CFAP54: variants seen among roughly 807,000 people sequenced by gnomAD.
CFAP54 encodes the protein cilia and flagella associated protein 54, also known as cilia- and flagella-associated protein 54.
In CFAP54, 290 loss-of-function variants were observed where a neutral mutation model predicts 370.4. That is an observed-to-expected ratio of 0.78 (90% CI 0.71 to 0.86). The LOEUF (loss-of-function observed/expected upper bound fraction) is 0.86. CFAP54 is among the 40% of genes least tolerant of loss of function. The pLI, the probability that CFAP54 is intolerant of heterozygous loss-of-function variation, is 0.00. For synonymous variants in CFAP54, 1,206 were observed against 1,236.5 expected (o/e 0.98, Z 0.52); for missense variants, 3,399 against 3,528.7 (o/e 0.96, Z 0.93).
At chr12:96,842,993 T>A (rs1959238885) in intron 66 of CFAP54, among the ~76,000 whole-genome samples, 1 of 152,244 alleles carries the variant, frequency 6.6e-6, no homozygotes, top group Non-Finnish European at 1.5e-5. Flanking sequence ...TGATGTATAC[T>A]GATGTGAATA....
At chr12:96,829,336 T>C (rs1959162168) in intron 66 of CFAP54, among the ~76,000 whole-genome samples, 1 of 152,144 alleles carries the variant, frequency 6.6e-6, no homozygotes, top group Non-Finnish European at 1.5e-5. Flanking sequence ...AAATCTACAA[T>C]TCACAGAATA....
intron 64 of CFAP54, among the ~76,000 whole-genome samples, chr12:96,812,581 A>G (rs114532072): frequency 5.6e-4 from 85 of 152,266 alleles, no homozygotes; most frequent in African/African-American, 2.0e-3. Context: ...TTTCAGGGTT[A>G]TTGTCAGGAC....
intron 14 of CFAP54, 33 bp downstream of exon 14, chr12:96,541,020 A>G (rs1592841049): frequency 1.5e-6 from 2 of 1,356,468 alleles, no homozygotes; most frequent in African/African-American, 1.5e-5. Flanking sequence ...GTATACATAT[A>G]TAAATACAAA....
chr12:96,754,748 ATT>A (rs111320723), intron 56 of CFAP54, among the ~76,000 whole-genome samples: 1 of 143,508 alleles, frequency 7.0e-6, no homozygotes, highest in Non-Finnish European at 1.5e-5. Flanking sequence ...TAGTGCCTAC[ATT>A]TTTTTTTTTT....
chr12:96,614,541 G>A (rs1475884163), intron 26 of CFAP54, among the ~76,000 whole-genome samples: 2 of 152,152 alleles, frequency 1.3e-5, no homozygotes, highest in Admixed American at 1.3e-4. Context: ...AAGAAATAAA[G>A]GGTATTCAAT....
At chr12:96,783,574 C>G (rs1958600410) in intron 60 of CFAP54, among the ~76,000 whole-genome samples, 3 of 152,320 alleles carry the variant, frequency 2.0e-5, no homozygotes, top group South Asian at 4.1e-4. Context: ...CATCATTACT[C>G]TTATAATGCC....
At position 96,786,660 on chromosome 12, in the gene CFAP54, T is replaced by A; in HGVS notation, c.8456-15T>A. ...TCTAATATGAACCTAAACTAAGGTA[T>A]TTTTCTTTCTTAAGCATCTGCAACA... On this transcript the variant is annotated splice_polypyrimidine_tract_variant and intron_variant, in intron 61 of 67. Transcript: ENST00000524981. The A allele has an allele frequency of 6.7e-7, 1 of 1,499,440 alleles. No individual in the cohort carries two copies. Among genetic ancestry groups the A allele is most frequent in the South Asian group, 1.2e-5 (1 of 81,326 alleles). The allele number at this position is 1,499,440 out of a possible 1,614,324, so 92.9% of individuals were successfully genotyped here.
At chr12:96,530,786 T>A (rs915141229) in intron 9 of CFAP54, among the ~76,000 whole-genome samples, 3 of 152,238 alleles carry the variant, frequency 2.0e-5, no homozygotes, top group Non-Finnish European at 4.4e-5. Flanking sequence ...TCTACTATAT[T>A]TCCACCAGCA....
intron 58 of CFAP54, 113 bp from the exon 59 acceptor site, chr12:96,764,038 A>T: frequency 1.7e-6 from 1 of 604,852 alleles, no homozygotes; most frequent in Non-Finnish European, 2.8e-6. Flanking sequence ...TCATGTCAAT[A>T]GATACATTAT....
intron 66 of CFAP54, among the ~76,000 whole-genome samples, chr12:96,835,515 C>T (rs374240549): frequency 2.0e-5 from 3 of 152,112 alleles, no homozygotes; most frequent in Non-Finnish European, 2.9e-5. Context: ...CCCCTTCTGC[C>T]CAGGAACCTG....
At position 96,707,674 on chromosome 12, in the gene CFAP54, G is replaced by A. The variant is rs1475517665; in HGVS notation, c.6529-934G>A. On this transcript the variant is annotated intron_variant, in intron 47 of 67. Coordinates refer to ENST00000524981, the MANE Select transcript of CFAP54 (RefSeq NM_001306084.2). ...TTATGATATAGGAGAGAATGGCTGA[G>A]TAGCCCATTGGAGAAAGGAGTGAAG... Among the ~76,000 whole-genome samples, 4 of 152,184 alleles carry A rather than the reference G, an allele frequency of 2.6e-5. No homozygotes were observed. The East Asian group carries it at 7.7e-4, about 29-fold the overall frequency.
At chr12:96,867,917 AGTAT>A (rs1391635501) in intron 67 of CFAP54, among the ~76,000 whole-genome samples, 1 of 152,240 alleles carries the variant, frequency 6.6e-6, no homozygotes. Context: ...ACAAAAAATA[AGTAT>A]GTGAGGAAAT....
intron 67 of CFAP54, among the ~76,000 whole-genome samples, chr12:96,869,841 A>T (rs1247241089): frequency 6.7e-6 from 1 of 148,846 alleles, no homozygotes; most frequent in Admixed American, 6.7e-5. Context: ...AGGCTGAGGC[A>T]GGAGAATCGC....
At chr12:96,632,997 T>C (rs536004822) in intron 32 of CFAP54, among the ~76,000 whole-genome samples, 1 of 152,180 alleles carries the variant, frequency 6.6e-6, no homozygotes, top group Non-Finnish European at 1.5e-5. Flanking sequence ...GTGTAAATTA[T>C]ATTTTAAAAT....
rs80130067 is a variant in CFAP54 at position 96,605,902 on chromosome 12, C to A, written c.3639+7135C>A. 9.1e-3 allele frequency among the ~76,000 whole-genome samples: 1,379 copies of A among 152,136 alleles called. 12 individuals are homozygous for A. Among genetic ancestry groups the A allele is most frequent in the Middle Eastern group, 0.037 (11 of 294 alleles). ...TACAAACTCAAATGCCTACTGAGAC[C>A]AAGCAGGTAAAATAATTGGTGAATT... On this transcript the variant is annotated intron_variant, in intron 26 of 67. Transcript: ENST00000524981.
At chr12:96,863,871 T>A (rs1348287197) in intron 67 of CFAP54, among the ~76,000 whole-genome samples, 1 of 152,130 alleles carries the variant, frequency 6.6e-6, no homozygotes, top group Non-Finnish European at 1.5e-5. Context: ...TTGTTTTGCC[T>A]GAGAGAAATA....
chr12:96,541,141 C>CATCA (rs2136388137), intron 14 of CFAP54, among the ~76,000 whole-genome samples, 154 bp downstream of exon 14: 1 of 152,226 alleles, frequency 6.6e-6, no homozygotes, highest in East Asian at 1.9e-4. Context: ...AAGATAGTTT[C>CATCA]ATCAAGTGGA....
chr12:96,553,049 T>C (rs1280716512), intron 15 of CFAP54, among the ~76,000 whole-genome samples: 2 of 152,162 alleles, frequency 1.3e-5, no homozygotes, highest in Admixed American at 1.3e-4. Context: ...CCTAGATTCT[T>C]AGGTTCACAG....
intron 29 of CFAP54, among the ~76,000 whole-genome samples, chr12:96,626,227 T>C (rs564671147): frequency 5.0e-4 from 76 of 151,886 alleles, no homozygotes; most frequent in Non-Finnish European, 9.0e-4. Context: ...CTACTAAAAA[T>C]ACAAAAATTA....
Sources: allele counts gnomAD v4.1 joint callset (sites outside exome capture counted in the v4.1 genomes callset), GRCh38; gene constraint gnomAD v4.1.1; transcripts MANE v1.5; gene names NCBI Gene and HGNC (gene_info 2026-07-23, HGNC 2026-07-21).